Variants in DIAPH2 observed in about 807,000 individuals in gnomAD.
The protein encoded by DIAPH2 is diaphanous related formin 2.
Under a neutral mutation model 92.7 loss-of-function variants are expected in DIAPH2, and 35 were observed. The observed-to-expected ratio is 0.38, with a 90% CI of 0.29 to 0.50. DIAPH2 has a LOEUF of 0.50. DIAPH2 is among the 20% of genes least tolerant of loss of function. DIAPH2 has a pLI of 0.94. For synonymous variants in DIAPH2, 301 were observed against 280.4 expected (o/e 1.07, Z -0.73); for missense variants, 701 against 819.5 (o/e 0.86, Z 1.77).
At chrX:96,885,184 T>TAA in intron 5 of DIAPH2, 10 of 638,770 alleles carry the variant, frequency 1.6e-5, no homozygotes, top group Non-Finnish European at 2.2e-5. Context: ...GAAGTAGGAC[T>TAA]AAAAAAAAAA....
At chrX:97,292,828 T>G (rs1367780238) in intron 23 of DIAPH2, among the ~76,000 whole-genome samples, 2 of 111,962 alleles carry the variant, frequency 1.8e-5, no homozygotes, top group African/African-American at 6.5e-5. Context: ...AACTTTCTTA[T>G]ATTAAATGTT....
chrX:97,293,950 G>C (rs773411656), intron 23 of DIAPH2, among the ~76,000 whole-genome samples: 17 of 112,217 alleles, frequency 1.5e-4, no homozygotes, highest in African/African-American at 5.5e-4. Context: ...GAAGTATCAA[G>C]TAAAATTTTA....
chrX:97,100,027 G>A (rs1433321505), intron 20 of DIAPH2, among the ~76,000 whole-genome samples: 1 of 110,464 alleles, frequency 9.1e-6, no homozygotes, highest in African/African-American at 3.3e-5. Context: ...AATATCTCAG[G>A]GGATCTTTTG....
At chrX:97,498,590 A>G (rs775072073) in intron 26 of DIAPH2, among the ~76,000 whole-genome samples, 4 of 111,675 alleles carry the variant, frequency 3.6e-5, no homozygotes, top group Non-Finnish European at 7.5e-5. Flanking sequence ...TACAACAGAG[A>G]TATTATTTAC....
At position 97,600,772 on chromosome X, in the gene DIAPH2, A is replaced by T. The variant is rs2071589388; in HGVS notation, c.*1455A>T. On this transcript the variant is annotated 3_prime_UTR_variant, in exon 27 of 27. Transcript: ENST00000324765. ...AATACTGTTTCTACTCATTCAAAGCACATTGTAGATATTCAGAGAGAAGAA... is the reference window on the plus strand; with the variant it reads ...AATACTGTTTCTACTCATTCAAAGCTCATTGTAGATATTCAGAGAGAAGAA... The T allele has an allele frequency of 1.8e-5, 2 of 112,018 alleles. No individual in the cohort carries two copies. Among genetic ancestry groups the T allele is most frequent in the South Asian group, 7.4e-4 (2 of 2,693 alleles). 9.2% of individuals were successfully genotyped at this position (112,018 alleles called of 1,213,427 possible). A position where few individuals can be genotyped will look rare whatever the true frequency, so the allele number is the denominator to read the frequency against.
At chrX:97,433,427 G>A (rs2070148741) in intron 26 of DIAPH2, among the ~76,000 whole-genome samples, 1 of 111,509 alleles carries the variant, frequency 9.0e-6, no homozygotes, top group African/African-American at 3.3e-5. Flanking sequence ...GAGGTGAGAG[G>A]ATTGCTTGAG....
At position 96,768,235 on chromosome X, in the gene DIAPH2, T is replaced by A. The variant is rs762446842; in HGVS notation, c.447+9977T>A. 3.6e-5 allele frequency among the ~76,000 whole-genome samples: 4 copies of A among 112,264 alleles called. No homozygotes were observed. The South Asian group carries it at 1.5e-3, about 42-fold the overall frequency. ...GATAGTTGGAAAATAGCAAACATTG[T>A]AATGACCAGACCTTATAATTTTAAA... On this transcript the variant is annotated intron_variant, in intron 4 of 26. Coordinates refer to ENST00000324765, the MANE Select transcript of DIAPH2 (RefSeq NM_006729.5).
At chrX:97,271,721 C>T (rs144911254) in intron 23 of DIAPH2, among the ~76,000 whole-genome samples, 1,962 of 109,003 alleles carry the variant, frequency 0.018, 14 homozygotes, top group Middle Eastern at 0.041. Flanking sequence ...GAGCATCACA[C>T]AGTCAAAGAA....
chrX:97,560,690 G>A lies in DIAPH2; in HGVS notation c.3242-38563G>A, dbSNP rs146891583. ...GTATTTTTAGTAGAGACGAGGTTTC[G>A]CCATGTTGGCCAGGCTGGTCTTCAA... On this transcript the variant is annotated intron_variant, in intron 26 of 26. Transcript: ENST00000324765. 7.6e-3 allele frequency among the ~76,000 whole-genome samples: 848 copies of A among 111,761 alleles called. 16 individuals are homozygous for A. The East Asian group carries it at 0.11, about 14-fold the overall frequency.
chrX:97,263,435 G>A (rs1320147599), intron 23 of DIAPH2, among the ~76,000 whole-genome samples: 3 of 111,245 alleles, frequency 2.7e-5, no homozygotes, highest in Non-Finnish European at 5.7e-5. Context: ...ATTTTTTTAA[G>A]GAAAAGCCTT....
At chrX:97,452,176 A>C (rs2070364860) in intron 26 of DIAPH2, among the ~76,000 whole-genome samples, 1 of 111,553 alleles carries the variant, frequency 9.0e-6, no homozygotes, top group Admixed American at 9.6e-5. Context: ...AAACGAATAT[A>C]GTCAAATATG....
chrX:96,991,236 T>C (rs997032168), intron 17 of DIAPH2, among the ~76,000 whole-genome samples: 1 of 109,883 alleles, frequency 9.1e-6, no homozygotes, highest in African/African-American at 3.3e-5. Context: ...TGCCTCAGCC[T>C]CCCAAGTAGC....
intron 4 of DIAPH2, among the ~76,000 whole-genome samples, chrX:96,813,865 G>A (rs2064707640): frequency 8.9e-6 from 1 of 112,021 alleles, no homozygotes; most frequent in Admixed American, 9.5e-5. Context: ...TCTCTCTTCT[G>A]TCTTGTAGGA....
chrX:96,996,475 T>A (rs781741241), intron 17 of DIAPH2, among the ~76,000 whole-genome samples: 2 of 111,802 alleles, frequency 1.8e-5, no homozygotes, highest in Non-Finnish European at 3.8e-5. Context: ...GGTCAAGGAT[T>A]CTATTAGGGC....
chrX:97,481,021 AC>A (rs1199206108), intron 26 of DIAPH2, among the ~76,000 whole-genome samples: 1 of 111,803 alleles, frequency 8.9e-6, no homozygotes, highest in Non-Finnish European at 1.9e-5. Flanking sequence ...TGAAAACTTC[AC>A]CCAGGCTTTC....
chrX:97,052,145 G>A (rs1054783668), intron 17 of DIAPH2, among the ~76,000 whole-genome samples: 4 of 111,347 alleles, frequency 3.6e-5, no homozygotes, highest in Middle Eastern at 8.3e-3. Flanking sequence ...TAGAGATGAA[G>A]TGATACTGAT....
At chrX:96,875,794 C>G (rs1263910031) in intron 4 of DIAPH2, among the ~76,000 whole-genome samples, 1 of 110,865 alleles carries the variant, frequency 9.0e-6, no homozygotes, top group Admixed American at 9.7e-5. Flanking sequence ...AAGGTTAGAC[C>G]TAAAACCATA....
intron 22 of DIAPH2, among the ~76,000 whole-genome samples, chrX:97,174,807 C>T (rs1007368454): frequency 1.9e-4 from 21 of 111,732 alleles, no homozygotes; most frequent in South Asian, 1.1e-3. Context: ...CAAATTAGAA[C>T]AACCCCTTTA....
intron 23 of DIAPH2, among the ~76,000 whole-genome samples, chrX:97,343,708 AG>A (rs200789884): frequency 0.04 from 4,084 of 102,011 alleles, 86 homozygotes; most frequent in African/African-American, 0.077. Context: ...AAAAAAAAAA[AG>A]AAAGAAAGAA....
Sources: allele counts gnomAD v4.1 joint callset (sites outside exome capture counted in the v4.1 genomes callset), GRCh38; gene constraint gnomAD v4.1.1; transcripts MANE v1.5; gene names NCBI Gene and HGNC (gene_info 2026-07-23, HGNC 2026-07-21).